Variants in VCF1 observed in about 807,000 individuals in gnomAD.
VCF1 encodes the protein protein VCF1.
the VCF1 span, chr17:73,208,681 C>T: frequency 8.8e-6 from 5 of 569,820 alleles, no homozygotes; most frequent in South Asian, 1.9e-5. Context: ...ATTTTATCAG[C>T]GTTCAACAAC....
At chr17:73,231,681 C>A in the VCF1 span, among the ~76,000 whole-genome samples, 2 of 152,178 alleles carry the variant, frequency 1.3e-5, no homozygotes, top group Non-Finnish European at 2.9e-5. Context: ...GGGGAGCCGG[C>A]AGCTCCCCGC....
the VCF1 span, chr17:73,207,544 A>T: frequency 1.6e-6 from 1 of 625,126 alleles, no homozygotes; most frequent in Non-Finnish European, 2.7e-6. Flanking sequence ...TGAAAGAGTT[A>T]ACTGCCAACC....
the VCF1 span, among the ~76,000 whole-genome samples, chr17:73,217,992 A>C: frequency 6.6e-6 from 1 of 152,180 alleles, no homozygotes; most frequent in Non-Finnish European, 1.5e-5. Flanking sequence ...ATAAAAGATC[A>C]ATGTAGTATT....
chr17:73,224,990 C>G, the VCF1 span, among the ~76,000 whole-genome samples: 258 of 92,208 alleles, frequency 2.8e-3, 2 homozygotes, highest in Middle Eastern at 5.7e-3. Flanking sequence ...CACAGCACAG[C>G]ACAGGACAGG....
the VCF1 span, among the ~76,000 whole-genome samples, chr17:73,230,767 G>A: frequency 6.6e-6 from 1 of 152,194 alleles, no homozygotes; most frequent in Non-Finnish European, 1.5e-5. Context: ...AACACTGGCA[G>A]GAAAAGCCTG....
the VCF1 span, among the ~76,000 whole-genome samples, chr17:73,230,994 G>T: frequency 4.4e-3 from 675 of 152,296 alleles, 6 homozygotes; most frequent in African/African-American, 0.016. Context: ...AGTCGGGTCA[G>T]ATTCACTGTA....
At chr17:73,229,589 G>C in the VCF1 span, 1 of 985,212 alleles carries the variant, frequency 1.0e-6, no homozygotes, top group African/African-American at 1.7e-5. Flanking sequence ...GTATGGGCTG[G>C]GCACGGTGAC....
the VCF1 span, chr17:73,209,817 A>G: frequency 7.8e-6 from 12 of 1,534,038 alleles, no homozygotes; most frequent in African/African-American, 1.4e-5. Flanking sequence ...TGTTTTGTTT[A>G]AGAGCTTTAC....
the VCF1 span, among the ~76,000 whole-genome samples, chr17:73,210,535 C>T: frequency 1.3e-5 from 2 of 151,058 alleles, no homozygotes; most frequent in African/African-American, 2.4e-5. Flanking sequence ...AAATTCCCGC[C>T]TTCCACCACT....
chr17:73,224,637 A>G, the VCF1 span, among the ~76,000 whole-genome samples: 3 of 152,240 alleles, frequency 2.0e-5, no homozygotes, highest in Non-Finnish European at 4.4e-5. Flanking sequence ...AAAACCAGCC[A>G]AATGTCCCTA....
At chr17:73,218,794 C>T in the VCF1 span, among the ~76,000 whole-genome samples, 2 of 151,850 alleles carry the variant, frequency 1.3e-5, no homozygotes, top group African/African-American at 2.4e-5. Flanking sequence ...CCGAGGCGGG[C>T]GGATCACGAG....
the VCF1 span, among the ~76,000 whole-genome samples, chr17:73,214,349 A>G: frequency 4.6e-5 from 7 of 151,890 alleles, no homozygotes; most frequent in Admixed American, 1.3e-4. Context: ...AGAGTGCAAC[A>G]TAAGGATATT....
the VCF1 span, among the ~76,000 whole-genome samples, chr17:73,225,108 A>G: frequency 7.7e-6 from 1 of 129,890 alleles, no homozygotes; most frequent in Non-Finnish European, 1.7e-5. Flanking sequence ...GTAACACCCC[A>G]TTAGGTGATC....
the VCF1 span, chr17:73,209,648 T>C: frequency 1.5e-4 from 239 of 1,555,292 alleles, 2 homozygotes; most frequent in Non-Finnish European, 1.6e-5. Context: ...GGCTGAGGCG[T>C]GTTAGGGCTG....
chr17:73,232,223 T>C, the VCF1 span: 11 of 1,611,392 alleles, frequency 6.8e-6, no homozygotes, highest in Admixed American at 1.7e-5. Context: ...TCGCAGCCGC[T>C]CGGGTGGACG....
the VCF1 span, among the ~76,000 whole-genome samples, chr17:73,216,206 T>C: frequency 1.3e-5 from 2 of 151,972 alleles, no homozygotes; most frequent in African/African-American, 2.4e-5. Flanking sequence ...CCAGGAGGAC[T>C]GTGGAAATGA....
At chr17:73,228,546 G>A in the VCF1 span, among the ~76,000 whole-genome samples, 8 of 152,122 alleles carry the variant, frequency 5.3e-5, no homozygotes, top group Non-Finnish European at 1.0e-4. Flanking sequence ...GAATAATAAA[G>A]AGTGTGTGGT....
At chr17:73,227,727 G>A in the VCF1 span, 1 of 907,238 alleles carries the variant, frequency 1.1e-6, no homozygotes, top group Non-Finnish European at 1.3e-6. Context: ...AGTACCTCTT[G>A]GTCACATTCA....
At chr17:73,217,888 C>T in the VCF1 span, among the ~76,000 whole-genome samples, 1 of 152,190 alleles carries the variant, frequency 6.6e-6, no homozygotes, top group East Asian at 1.9e-4. Context: ...AGGAGAATTG[C>T]TTGAACCCAG....
Sources: allele counts gnomAD v4.1 joint callset (sites outside exome capture counted in the v4.1 genomes callset), GRCh38; gene constraint gnomAD v4.1.1; transcripts MANE v1.5; gene names NCBI Gene and HGNC (gene_info 2026-07-23, HGNC 2026-07-21).